KLF11: variants seen among roughly 807,000 people sequenced by gnomAD.
The protein encoded by KLF11 is Krueppel-like factor 11.
In KLF11, 26 loss-of-function variants were observed where a neutral mutation model predicts 29.9. That is an observed-to-expected ratio of 0.87 (90% confidence interval 0.64 to 1.21). The LOEUF (loss-of-function observed/expected upper bound fraction) is 1.21. Ranked by LOEUF, KLF11 falls within the 50% of genes most tolerant of loss-of-function variation. KLF11 has a pLI of 0.00. For missense variants in KLF11, 778 were observed against 665.7 expected (o/e 1.17, Z -1.86); for synonymous variants, 318 against 257.4 (o/e 1.24, Z -2.25).
chr2:10,049,708 C>G (rs6432053), intron 3 of KLF11, among the ~76,000 whole-genome samples: 1 of 152,040 alleles, frequency 6.6e-6, no homozygotes, highest in Non-Finnish European at 1.5e-5. Flanking sequence ...CCTTCTTTGA[C>G]CCTAGTGGTT....
chr2:10,043,814 G>A lies in KLF11; in HGVS notation c.42+56G>A, dbSNP rs923056721. 1.0e-4 allele frequency: 136 copies of A among 1,328,206 alleles called. 2 individuals carry two copies. The highest frequency in any genetic ancestry group is 3.2e-4 in the Admixed American group (13 of 40,010). The allele number at this position is 1,328,206 out of a possible 1,614,324, so 82.3% of individuals were successfully genotyped here. A position where few individuals can be genotyped will look rare whatever the true frequency, so the allele number is the denominator to read the frequency against. ...CTCGTCTGAGCGAGGGGCGAGGCGG[G>A]GGAAGTGGTGCGGCACTCGCGCGCC... On this transcript the variant is annotated intron_variant, in intron 1 of 3. Transcript: ENST00000305883.
chr2:10,053,400 T>C lies in KLF11; in HGVS notation c.*893T>C, dbSNP rs1379134788. 1 of 398,546 alleles carries C rather than the reference T, an allele frequency of 2.5e-6. No homozygotes were observed. Among genetic ancestry groups the C allele is most frequent in the East Asian group, 3.6e-5 (1 of 28,096 alleles). The allele number at this position is 398,546 out of a possible 1,614,324, so 24.7% of individuals were successfully genotyped here. A position where few individuals can be genotyped will look rare whatever the true frequency, so the allele number is the denominator to read the frequency against. The stretch of plus-strand genomic sequence containing the variant: ...ACTCAAATCCAGCTGCTTTGTCAAT[T>C]GTCAGTTCTGACTCCTTTTGCTGTG... On this transcript the variant is annotated 3_prime_UTR_variant, in exon 4 of 4. Coordinates refer to ENST00000305883, the MANE Select transcript of KLF11 (RefSeq NM_003597.5).
At chr2:10,049,494 C>T (rs1033339651) in intron 3 of KLF11, among the ~76,000 whole-genome samples, 1 of 152,242 alleles carries the variant, frequency 6.6e-6, no homozygotes, top group Admixed American at 6.5e-5. Flanking sequence ...CTACTCCATT[C>T]TACTGAGTGG....
intron 1 of KLF11, among the ~76,000 whole-genome samples, chr2:10,045,072 G>C (rs1460802610): frequency 2.0e-5 from 3 of 152,140 alleles, no homozygotes; most frequent in Non-Finnish European, 2.9e-5. Context: ...CTTGAACCTG[G>C]GAGGCAGAAG....
At chr2:10,049,725 A>T (rs1369419350) in intron 3 of KLF11, among the ~76,000 whole-genome samples, 1 of 152,154 alleles carries the variant, frequency 6.6e-6, no homozygotes, top group Non-Finnish European at 1.5e-5. Flanking sequence ...GGTTTATTGT[A>T]GGTCTTACTA....
At chr2:10,045,826 CT>C (rs2125276817) in intron 1 of KLF11, among the ~76,000 whole-genome samples, 1 of 152,374 alleles carries the variant, frequency 6.6e-6, no homozygotes, top group Non-Finnish European at 1.5e-5. Context: ...CTCCCAGCCA[CT>C]TTTTGGCTTG....
chr2:10,046,139 G>A lies in KLF11; in HGVS notation c.43-11G>A. 6.2e-7 allele frequency: 1 copy of A among 1,613,206 alleles called. No individual in the cohort carries two copies. The highest frequency in any genetic ancestry group is 8.5e-7 in the Non-Finnish European group (1 of 1,180,040). On this transcript the variant is annotated splice_polypyrimidine_tract_variant and intron_variant, in intron 1 of 3. Transcript: ENST00000305883. ...CTGCACTGAGAAGCCGTTGTGTTGT[G>A]TCGCCTTTAGGTTGACATCATGGAC...
In KLF11 at chr2:10,043,727, C is replaced by T. The variant is rs1356007540; in HGVS notation, c.11C>T (p.Pro4Leu). 3.5e-5 allele frequency: 49 copies of T among 1,380,544 alleles called. 1 individual carries two copies. The Admixed American group carries it at 1.1e-3, about 31-fold the overall frequency. The allele number at this position is 1,380,544 out of a possible 1,614,324, so 85.5% of individuals were successfully genotyped here. The part of the protein sequence containing the change: MHT[P>L]DFAGPDDARA... ...CGGCCGGCCTGCACGATGCACACGC[C>T]GGACTTCGCAGGCCCAGACGACGCG... The change falls in exon 1 of 4, where the codon CCG becomes CTG. Residue 4 changes from proline (P) to leucine (L), a missense_variant. Physicochemically the swap from Pro to Leu is moderately conservative, Grantham distance 98. Transcript: ENST00000305883.
chr2:10,051,478 A>G (rs776126111), intron 3 of KLF11, among the ~76,000 whole-genome samples: 24 of 152,096 alleles, frequency 1.6e-4, no homozygotes, highest in Admixed American at 9.2e-4. Context: ...AAATGCTGGG[A>G]TTACAGGCGT....
In KLF11 at chr2:10,048,040, T is replaced by G. The variant is rs1302959802; in HGVS notation, c.703T>G (p.Leu235Val). 1.2e-6 allele frequency: 2 copies of G among 1,614,216 alleles called. No homozygotes were observed. The highest frequency in any genetic ancestry group is 1.7e-6 in the Non-Finnish European group (2 of 1,180,038). Residue 235 changes from leucine to valine, a missense_variant, in exon 3 of 4, where the codon TTG becomes GTG. By Grantham distance (32) the Leu-to-Val change is conservative. Transcript: ENST00000305883. Reference sequence around the variant, plus strand: ...TAACTTGGTGTCCTGTCAGCCCTGCTTGCACAAGTCTGGTGGCCTGCTGCT... The same window carrying G: ...TAACTTGGTGTCCTGTCAGCCCTGCGTGCACAAGTCTGGTGGCCTGCTGCT... ...STNLVSCQPCLHKSGGLLLTD... is the reference protein window; with the variant it reads ...STNLVSCQPCVHKSGGLLLTD...
At position 10,047,690 on chromosome 2, in the gene KLF11, C is replaced by G. The variant is rs748350805; in HGVS notation, c.353C>G (p.Ser118Trp). 1.2e-6 allele frequency: 2 copies of G among 1,613,234 alleles called. No individual in the cohort carries two copies. Among genetic ancestry groups the G allele is most frequent in the Admixed American group, 1.7e-5 (1 of 59,998 alleles). The change falls in exon 3 of 4, where the codon TCG (serine) becomes TGG (tryptophan). Residue 118 changes from serine (S) to tryptophan (W), a missense_variant. Coordinates refer to ENST00000305883, the MANE Select transcript of KLF11 (RefSeq NM_003597.5). ...CAGAGCCCTGATCTCGTGGAGCCAT[C>G]GACAAGGACACCTGTTTCTCCCCAA... The part of the protein sequence containing the change: ...PPQSPDLVEP[S>W]TRTPVSPQVT...
intron 3 of KLF11, 140 bp from the exon 4 acceptor site, chr2:10,052,087 A>G (rs933318746): frequency 9.1e-5 from 83 of 908,400 alleles, no homozygotes; most frequent in Admixed American, 1.6e-4. Flanking sequence ...TTCTTGACCC[A>G]AATCATCCAA....
Position 10,043,958 on chromosome 2 carries a change from G to A in KLF11, c.42+200G>A, listed in dbSNP as rs6709705. The A allele has an allele frequency of 5.7e-4, 530 of 935,254 alleles. 4 individuals carry two copies. The African/African-American group carries it at 9.0e-3, about 16-fold the overall frequency. The allele number at this position is 935,254 out of a possible 1,614,324, so 57.9% of individuals were successfully genotyped here. On this transcript the variant is annotated intron_variant, in intron 1 of 3. Coordinates refer to ENST00000305883, the MANE Select transcript of KLF11 (RefSeq NM_003597.5). ...GACGGGCGCGCCCGGGTCGGCGGGG[G>A]CGAGGAGGGGGCGTGTTCCCCGCGC...
chr2:10,044,246 G>A, intron 1 of KLF11: 2 of 979,316 alleles, frequency 2.0e-6, no homozygotes, highest in Non-Finnish European at 2.4e-6. Context: ...CAAGGTCTAG[G>A]GGCCGGGGCA....
chr2:10,051,663 G>C lies in KLF11; in HGVS notation c.1259-564G>C, dbSNP rs184636011. 5.4e-3 allele frequency among the ~76,000 whole-genome samples: 814 copies of C among 151,946 alleles called. 12 individuals carry two copies. Among genetic ancestry groups the C allele is most frequent in the Admixed American group, 0.026 (399 of 15,254 alleles). ...CTCCCAAGTAGCTGGGACTACAGGT[G>C]CCCGCCACCACACCCGGCTAGTTTT... On this transcript the variant is annotated intron_variant, in intron 3 of 3. Coordinates refer to ENST00000305883, the MANE Select transcript of KLF11 (RefSeq NM_003597.5).
rs1661190701 is a variant in KLF11 at position 10,046,150 on chromosome 2, G to A, written c.43G>A (p.Val15Ile). 1.9e-6 allele frequency: 3 copies of A among 1,613,642 alleles called. No homozygotes were observed. Among genetic ancestry groups the A allele is most frequent in the Non-Finnish European group, 2.5e-6 (3 of 1,180,040 alleles). Residue 15 changes from valine to isoleucine, a missense_variant and splice_region_variant, in exon 2 of 4, where the codon GTT becomes ATT. Val to Ile is a conservative substitution (Grantham distance 29). Transcript: ENST00000305883. ...AGCCGTTGTGTTGTGTCGCCTTTAG[G>A]TTGACATCATGGACATATGTGAGTC... The part of the protein sequence containing the change: ...DFAGPDDARA[V>I]DIMDICESIL...
rs984401644 is a variant in KLF11, at chr2:10,046,210, T to C, written c.103T>C (p.Ser35Pro). Residue 35 changes from serine (S) to proline (P), a missense_variant, in exon 2 of 4, where the codon TCT becomes CCT. Coordinates refer to ENST00000305883, the MANE Select transcript of KLF11 (RefSeq NM_003597.5). ...GAGGAAGCGGCATGACAGCGAAAGG[T>C]CTACTTGCAGCATCTTGGAGCAGAC... ...LERKRHDSER[S>P]TCSILEQTDM... 1.2e-6 allele frequency: 2 copies of C among 1,614,020 alleles called. No individual in the cohort carries two copies. Among genetic ancestry groups the C allele is most frequent in the Non-Finnish European group, 1.7e-6 (2 of 1,180,042 alleles).
rs1342385973 is a variant in KLF11, at chr2:10,046,279, G to A, written c.172G>A (p.Gly58Ser). The change falls in exon 2 of 4, where the codon GGT becomes AGT. Residue 58 changes from glycine to serine, a missense_variant. Coordinates refer to ENST00000305883, the MANE Select transcript of KLF11 (RefSeq NM_003597.5). ...VEALVCMSSW[G>S]QRSQKGDLLR... ...GGCTCTTGTTTGTATGAGCTCCTGG[G>A]GTCAAAGATCCCAGAAAGGTGACCT... 6.2e-7 allele frequency: 1 copy of A among 1,614,084 alleles called. No homozygotes were observed. Among genetic ancestry groups the A allele is most frequent in the East Asian group, 2.2e-5 (1 of 44,880 alleles).
intron 3 of KLF11, among the ~76,000 whole-genome samples, chr2:10,049,356 G>A (rs1039037328): frequency 3.3e-5 from 5 of 152,344 alleles, no homozygotes; most frequent in East Asian, 1.9e-4. Flanking sequence ...ATAGACAATC[G>A]CTTCAGTAGG....
Sources: allele counts gnomAD v4.1 joint callset (sites outside exome capture counted in the v4.1 genomes callset), GRCh38; gene constraint gnomAD v4.1.1; transcripts MANE v1.5; gene names NCBI Gene and HGNC (gene_info 2026-07-23, HGNC 2026-07-21).